The following ATP2B3 variants were observed in gnomAD, a reference collection of about 807,000 sequenced individuals.
ATP2B3 encodes the protein ATPase plasma membrane Ca2+ transporting 3.
Under a neutral mutation model 70.8 loss-of-function variants are expected in ATP2B3, and 12 were observed. That is an observed-to-expected ratio of 0.17 (90% CI 0.11 to 0.27). The LOEUF (loss-of-function observed/expected upper bound fraction) is 0.27, where lower values mean the gene tolerates loss of function less well. Ranked by LOEUF, ATP2B3 falls within the 10% of genes least tolerant of loss-of-function variation. ATP2B3 has a pLI of 1.00. For missense variants in ATP2B3, 858 were observed against 1,118.5 expected (o/e 0.77, Z 3.32); for synonymous variants, 460 against 497.8 (o/e 0.92, Z 1.01).
At chrX:153,530,814 G>A (rs940480565) in intron 2 of ATP2B3, among the ~76,000 whole-genome samples, 7 of 110,915 alleles carry the variant, frequency 6.3e-5, no homozygotes, top group Non-Finnish European at 9.5e-5. Context: ...ACTGGGGGCC[G>A]GTGGGGGGCA....
chrX:153,553,344 G>A (rs964654411), intron 13 of ATP2B3, 75 bp downstream of exon 13: 22 of 958,215 alleles, frequency 2.3e-5, no homozygotes, highest in Admixed American at 7.5e-5. Context: ...TGGTAGGGGC[G>A]GCCTTCCTTC....
In ATP2B3 at chrX:153,553,217, G is replaced by A; in HGVS notation, c.2006G>A (p.Gly669Asp). ...TGGGACAACGAGAATGAGGTCGTGG[G>A]TGACCTCACCTGCATAGCTGTCGTG... ...PDWDNENEVV[G>D]DLTCIAVVGI... Residue 669 changes from glycine (G) to aspartate (D), a missense_variant, in exon 13 of 22, where the codon GGT becomes GAT. Physicochemically the swap from Gly to Asp is moderately conservative, Grantham distance 94 (BLOSUM62 -1). This residue lies in a region of ATP2B3 where 242 missense variants were observed against 281.3 expected (regional missense o/e 0.86). Coordinates refer to ENST00000263519, the MANE Select transcript of ATP2B3 (RefSeq NM_001001344.3). The A allele has an allele frequency of 8.3e-7, 1 of 1,211,426 alleles. No homozygotes were observed. The highest frequency in any genetic ancestry group is 1.1e-6 in the Non-Finnish European group (1 of 895,235).
In ATP2B3 at chrX:153,545,219, C is replaced by G. The variant is rs180938222; in HGVS notation, c.917-869C>G. Among the ~76,000 whole-genome samples, 144 of 113,415 alleles carry G rather than the reference C, an allele frequency of 1.3e-3. 1 individual carries two copies. Among genetic ancestry groups the G allele is most frequent in the Non-Finnish European group, 2.2e-3 (119 of 53,358 alleles). ...CAGAAGGGGTGACTGTGCCCACCAC[C>G]TGAGCCCCTGGATAGGGCCACTTGG... On this transcript the variant is annotated intron_variant, in intron 7 of 21. Transcript: ENST00000263519.
At chrX:153,562,351 G>A in intron 20 of ATP2B3, 109 bp downstream of exon 20, 2 of 690,347 alleles carry the variant, frequency 2.9e-6, no homozygotes. Flanking sequence ...ACCCTAGGAA[G>A]CACACTGAGG....
intron 8 of ATP2B3, among the ~76,000 whole-genome samples, chrX:153,547,087 T>TCTCC (rs1192957797): frequency 4.5e-5 from 5 of 110,899 alleles, no homozygotes; most frequent in African/African-American, 1.6e-4. Context: ...ACGAGTCTGC[T>TCTCC]CTCCCCAGGT....
chrX:153,528,586 C>T (rs1343897949), intron 2 of ATP2B3, among the ~76,000 whole-genome samples: 1 of 111,381 alleles, frequency 9.0e-6, no homozygotes, highest in African/African-American at 3.3e-5. Context: ...CTTGGCCTAT[C>T]TAACAGAGAC....
At chrX:153,556,260 C>T in intron 14 of ATP2B3, 32 bp downstream of exon 14, 1 of 1,202,528 alleles carries the variant, frequency 8.3e-7, no homozygotes, top group South Asian at 1.8e-5. Context: ...CCCCAGACCC[C>T]CCTTCTCCTC....
Position 153,558,316 on chromosome X carries a change from G to A in ATP2B3, c.2625+13G>A, listed in dbSNP as rs1382315214. On this transcript the variant is annotated intron_variant, in intron 17 of 21. Transcript: ENST00000263519. ...CTGCATTACTCAGGTGGGTACTGGG[G>A]GCTGCCATGCCCCAGCTAGGACACC... 1.7e-6 allele frequency: 2 copies of A among 1,193,967 alleles called. No individual in the cohort carries two copies. The highest frequency in any genetic ancestry group is 1.8e-5 in the African/African-American group (1 of 57,001).
rs782817899 is a variant in ATP2B3 at position 153,542,313 on chromosome X, G to A, written c.665-10G>A. 1.7e-6 allele frequency: 2 copies of A among 1,210,856 alleles called. No individual in the cohort carries two copies. Among genetic ancestry groups the A allele is most frequent in the South Asian group, 1.8e-5 (1 of 56,923 alleles). ...GTGGGGAGAAAGGCCTCTGCTTCCC[G>A]GTGCTCTAGGCGACCTGCTGCCAGC... On this transcript the variant is annotated splice_polypyrimidine_tract_variant and intron_variant, in intron 5 of 21. Transcript: ENST00000263519.
intron 16 of ATP2B3, 76 bp from the exon 17 acceptor site, chrX:153,558,036 G>A (rs1475015655): frequency 8.6e-6 from 9 of 1,048,785 alleles, no homozygotes; most frequent in South Asian, 4.8e-5. Context: ...CAGCCCAGGC[G>A]GGCCAGGTGA....
At position 153,531,369 on chromosome X, in the gene ATP2B3, T is replaced by C. The variant is rs1311700543; in HGVS notation, c.-126-4753T>C. ...TGGCTTGCTTTTCCTCTCTGGGTTC[T>C]GCCGGGCCTGGCCTGTGTTCTAGGA... On this transcript the variant is annotated intron_variant, in intron 2 of 21. Transcript: ENST00000263519. Among the ~76,000 whole-genome samples, 3 of 113,358 alleles carry C rather than the reference T, an allele frequency of 2.6e-5. No individual in the cohort carries two copies. In the East Asian group the frequency reaches 8.3e-4, roughly 32 times the overall value.
intron 11 of ATP2B3, 93 bp downstream of exon 11, chrX:153,549,832 A>T: frequency 2.8e-6 from 3 of 1,090,837 alleles, no homozygotes; most frequent in Non-Finnish European, 3.6e-6. Flanking sequence ...CAAGGTGCTC[A>T]TTAGGCCCCC....
At position 153,580,182 on chromosome X, in the gene ATP2B3, A is replaced by T. The variant is rs782774793; in HGVS notation, c.3547A>T (p.Asn1183Tyr). 5 of 888,789 alleles carry T rather than the reference A, an allele frequency of 5.6e-6. No homozygotes were observed. Among genetic ancestry groups the T allele is most frequent in the Non-Finnish European group, 7.6e-6 (5 of 655,378 alleles). The allele number at this position is 888,789 out of a possible 1,213,427, so 73.2% of individuals were successfully genotyped here. ...CCCGCCCCCGTCCCCCAACCAGAAC[A>T]ACAACGCCATAGACAGCGGCATCTA... ...APPPPSPNQN[N>Y]NAIDSGIYLT... Residue 1183 changes from asparagine (N) to tyrosine (Y), a missense_variant, in exon 22 of 22, where the codon AAC becomes TAC. By Grantham distance (143) the Asn-to-Tyr change is moderately radical. Transcript: ENST00000263519.
chrX:153,524,671 G>T (rs1390346237), intron 2 of ATP2B3, among the ~76,000 whole-genome samples: 3 of 111,709 alleles, frequency 2.7e-5, no homozygotes, highest in Non-Finnish European at 3.8e-5. Flanking sequence ...ACACTGGTCT[G>T]CAGTCAGACC....
intron 13 of ATP2B3, 27 bp from the exon 14 acceptor site, chrX:153,556,022 C>T: frequency 8.3e-7 from 1 of 1,211,383 alleles, no homozygotes; most frequent in Non-Finnish European, 1.1e-6. Context: ...CCTCGATGGC[C>T]CCGCCCACCT....
Position 153,553,277 on chromosome X carries a change from C to T in ATP2B3, c.2058+8C>T. 1 of 1,192,034 alleles carries T rather than the reference C, an allele frequency of 8.4e-7. No individual in the cohort carries two copies. Among genetic ancestry groups the T allele is most frequent in the Non-Finnish European group, 1.1e-6 (1 of 880,584 alleles). On this transcript the variant is annotated splice_region_variant and intron_variant, in intron 13 of 21. Coordinates refer to ENST00000263519, the MANE Select transcript of ATP2B3 (RefSeq NM_001001344.3). ...GACCCTGTGCGGCCCGAGGTAGCCACCACCTTCTCTGTGAGCTGCCCTGGT... is the reference window on the plus strand; with the variant it reads ...GACCCTGTGCGGCCCGAGGTAGCCATCACCTTCTCTGTGAGCTGCCCTGGT...
chrX:153,553,397 G>C (rs782378103), intron 13 of ATP2B3, 128 bp downstream of exon 13: 2 of 554,951 alleles, frequency 3.6e-6, no homozygotes, highest in East Asian at 7.3e-5. Context: ...CTTGAGCCCC[G>C]TCCTGGGTGC....
chrX:153,557,863 C>T (rs927506596), intron 16 of ATP2B3, among the ~76,000 whole-genome samples: 1 of 97,431 alleles, frequency 1.0e-5, no homozygotes, highest in Non-Finnish European at 2.1e-5. Flanking sequence ...CATCAGCACC[C>T]TCTGTGTTTA....
chrX:153,572,799 C>A (rs1041155877), intron 21 of ATP2B3, among the ~76,000 whole-genome samples: 4 of 111,826 alleles, frequency 3.6e-5, no homozygotes, highest in African/African-American at 9.8e-5. Context: ...TGTTGGGTGT[C>A]CATATTCCGG....
Sources: gnomAD v4.1 joint callset for allele counts (sites outside exome capture counted in the v4.1 genomes callset) on GRCh38, gnomAD v4.1.1 for gene constraint, gnomAD v4.1.1 regional missense constraint, MANE v1.5 for transcripts, NCBI Gene and HGNC (gene_info 2026-07-23, HGNC 2026-07-21) for gene names.